The following ARHGAP29 variants were observed in gnomAD, a reference collection of about 807,000 sequenced individuals.
ARHGAP29 encodes Rho GTPase activating protein 29.
ARHGAP29 carries 43 observed loss-of-function variants against 122.6 expected under a neutral mutation model. The observed-to-expected ratio is 0.35, with a 90% confidence interval of 0.27 to 0.45. ARHGAP29 has a LOEUF of 0.45. ARHGAP29 is among the 20% of genes least tolerant of loss of function. The pLI is 1.00. For synonymous variants in ARHGAP29, 506 were observed against 497.1 expected (o/e 1.02, Z -0.24); for missense variants, 1,303 against 1,477.2 (o/e 0.88, Z 1.93).
the ARHGAP29 span, among the ~76,000 whole-genome samples, chr1:94,303,777 A>G: frequency 6.6e-6 from 1 of 152,204 alleles, no homozygotes; most frequent in African/African-American, 2.4e-5. Context: ...TAAGTGGTCC[A>G]AGCCCACCCA....
intron 12 of ARHGAP29, chr1:94,195,494 A>G (rs1650398312): frequency 6.6e-6 from 1 of 152,242 alleles, no homozygotes. Context: ...TAAAAAAGGT[A>G]TATGAAGATA....
intron 1 of ARHGAP29, among the ~76,000 whole-genome samples, chr1:94,247,093 T>G (rs1653833685): frequency 6.6e-6 from 1 of 152,148 alleles, no homozygotes; most frequent in Non-Finnish European, 1.5e-5. Flanking sequence ...GAACATGAGA[T>G]GTCTGTTTTA....
chr1:94,170,133 T>TA lies in ARHGAP29; in HGVS notation c.*3735dup, dbSNP rs1013609415. Among the ~76,000 whole-genome samples, 1 of 152,196 alleles carries TA rather than the reference T, an allele frequency of 6.6e-6. No homozygotes were observed. The highest frequency in any genetic ancestry group is 2.4e-5 in the African/African-American group (1 of 41,442). On this transcript the variant is annotated 3_prime_UTR_variant, in exon 23 of 23. Coordinates refer to ENST00000260526, the MANE Select transcript of ARHGAP29 (RefSeq NM_004815.4). ...TGAGAAACAATACATTTACAATCTTTAAGAATCTCCTCACAAATTACTTCC... is the reference window on the plus strand; with the variant it reads ...TGAGAAACAATACATTTACAATCTTTAAAGAATCTCCTCACAAATTACTTCC...
chr1:94,246,515 C>A (rs1653802853), intron 1 of ARHGAP29, among the ~76,000 whole-genome samples: 1 of 150,606 alleles, frequency 6.6e-6, no homozygotes, highest in Non-Finnish European at 1.5e-5. Flanking sequence ...CCCCCGCCAA[C>A]CCCTCCATCC....
chr1:94,197,335 G>A (rs1046340093), intron 12 of ARHGAP29, among the ~76,000 whole-genome samples: 9 of 151,980 alleles, frequency 5.9e-5, no homozygotes, highest in African/African-American at 2.2e-4. Flanking sequence ...AACTTGAATA[G>A]GCCTATATCA....
chr1:94,187,310 G>A (rs974621572), intron 15 of ARHGAP29, among the ~76,000 whole-genome samples: 18 of 152,166 alleles, frequency 1.2e-4, no homozygotes, highest in African/African-American at 4.1e-4. Flanking sequence ...TTCAGAGTTA[G>A]AAAAGCCTTT....
At chr1:94,216,688 T>C (rs1275468294) in intron 3 of ARHGAP29, among the ~76,000 whole-genome samples, 2 of 152,220 alleles carry the variant, frequency 1.3e-5, no homozygotes, top group Non-Finnish European at 2.9e-5. Flanking sequence ...TTTTTAAATA[T>C]AGGGTAAAAT....
At position 94,172,852 on chromosome 1, in the gene ARHGAP29, C is replaced by T. The variant is rs942943426; in HGVS notation, c.*1017G>A. 1 of 152,488 alleles carries T rather than the reference C, an allele frequency of 6.6e-6. No individual in the cohort carries two copies. Among genetic ancestry groups the T allele is most frequent in the Non-Finnish European group, 1.5e-5 (1 of 67,994 alleles). 9.4% of individuals were successfully genotyped at this position (152,488 alleles called of 1,614,324 possible). On this transcript the variant is annotated 3_prime_UTR_variant, in exon 23 of 23. Transcript: ENST00000260526. Reference sequence around the variant, plus strand: ...CTCAAATTCCAAATAATGAGGCTTACTGACCTGTACTCTCAGAATCAACTT... The same window carrying T: ...CTCAAATTCCAAATAATGAGGCTTATTGACCTGTACTCTCAGAATCAACTT...
At chr1:94,272,587 G>T (rs553787588) in intron 1 of ARHGAP29, among the ~76,000 whole-genome samples, 4 of 152,290 alleles carry the variant, frequency 2.6e-5, no homozygotes, top group South Asian at 2.1e-4. Flanking sequence ...TACTACAGCT[G>T]GGTCATTTAT....
chr1:94,208,784 T>C (rs774647371), intron 5 of ARHGAP29, 48 bp downstream of exon 5: 2 of 1,571,274 alleles, frequency 1.3e-6, no homozygotes, highest in Non-Finnish European at 1.8e-6. Context: ...AGTTGAAACA[T>C]GAAGTTAAAA....
the ARHGAP29 span, among the ~76,000 whole-genome samples, chr1:94,296,808 T>A: frequency 6.6e-6 from 1 of 152,208 alleles, no homozygotes; most frequent in East Asian, 1.9e-4. Context: ...GGCAAACTGA[T>A]AATGCATATT....
At chr1:94,235,232 A>G (rs1329027618) in intron 1 of ARHGAP29, among the ~76,000 whole-genome samples, 2 of 152,236 alleles carry the variant, frequency 1.3e-5, no homozygotes, top group Non-Finnish European at 1.5e-5. Context: ...TAAAATAACA[A>G]ACTTAACCCA....
rs1651027894 is a variant in ARHGAP29 at position 94,203,962 on chromosome 1, C to A, written c.730G>T (p.Ala244Ser). ...CCAATGTTAGTTCTAGTTGCCTCTG[C>A]CAACTTGACCATATTTCTAGTGGAC... Reference protein sequence around the residue: ...LESTRNMVKLAEATRTNIGIQ... With the variant: ...LESTRNMVKLSEATRTNIGIQ... The change falls in exon 8 of 23, where the codon GCA becomes TCA. Residue 244 changes from alanine to serine, a missense_variant. Transcript: ENST00000260526. The A allele has an allele frequency of 1.2e-6, 2 of 1,613,776 alleles. No individual in the cohort carries two copies. Among genetic ancestry groups the A allele is most frequent in the African/African-American group, 1.3e-5 (1 of 75,002 alleles).
chr1:94,276,052 G>A (rs1756250), upstream of ARHGAP29, among the ~76,000 whole-genome samples: 10 of 152,076 alleles, frequency 6.6e-5, no homozygotes, highest in Admixed American at 4.6e-4. Flanking sequence ...GAGGCCAGGA[G>A]TTCGAGACAA....
At chr1:94,184,055 T>C in intron 19 of ARHGAP29, 96 bp downstream of exon 19, 4 of 1,366,266 alleles carry the variant, frequency 2.9e-6, no homozygotes, top group South Asian at 1.3e-5. Flanking sequence ...TCTATGCCAA[T>C]GAAAAAACAT....
chr1:94,204,146 T>A, intron 7 of ARHGAP29, 152 bp from the exon 8 acceptor site: 1 of 361,684 alleles, frequency 2.8e-6, no homozygotes, highest in Non-Finnish European at 4.8e-6. Context: ...CTTTCTTCCT[T>A]TTTTTTTTTT....
the ARHGAP29 span, among the ~76,000 whole-genome samples, chr1:94,295,946 G>A: frequency 1.3e-5 from 2 of 152,128 alleles, no homozygotes; most frequent in African/African-American, 4.8e-5. Context: ...CCAGAACCTG[G>A]AAGAAGGCTG....
chr1:94,227,320 T>G (rs748108092), intron 2 of ARHGAP29, among the ~76,000 whole-genome samples: 17 of 151,702 alleles, frequency 1.1e-4, no homozygotes, highest in Non-Finnish European at 2.1e-4. Flanking sequence ...AGAAAGCATC[T>G]TTTAAAAATA....
chr1:94,271,407 T>C (rs2100733036), intron 1 of ARHGAP29, among the ~76,000 whole-genome samples: 1 of 152,374 alleles, frequency 6.6e-6, no homozygotes, highest in South Asian at 2.1e-4. Flanking sequence ...GGGGATTACA[T>C]AAGGACACCA....
Sources: gnomAD v4.1 joint callset for allele counts (sites outside exome capture counted in the v4.1 genomes callset) on GRCh38, gnomAD v4.1.1 for gene constraint, MANE v1.5 for transcripts, NCBI Gene and HGNC (gene_info 2026-07-23, HGNC 2026-07-21) for gene names.